ZNRF2: variants seen among roughly 807,000 people sequenced by gnomAD.
The protein encoded by ZNRF2 is zinc and ring finger 2, also known as E3 ubiquitin-protein ligase ZNRF2.
Under a neutral mutation model 20.4 loss-of-function variants are expected in ZNRF2, and 16 were observed. The ratio of observed to expected loss-of-function variants is 0.79; its 90% CI spans 0.53 to 1.19. The LOEUF (loss-of-function observed/expected upper bound fraction) is 1.19, where lower values mean the gene tolerates loss of function less well. ZNRF2 is among the 50% of genes most tolerant of loss of function. ZNRF2 has a pLI of 0.00. For synonymous variants in ZNRF2, 178 were observed against 144.9 expected (o/e 1.23, Z -1.64); for missense variants, 363 against 332.4 (o/e 1.09, Z -0.72).
intron 2 of ZNRF2, among the ~76,000 whole-genome samples, chr7:30,331,967 A>T (rs1180106146): frequency 6.6e-6 from 1 of 152,168 alleles, no homozygotes; most frequent in Non-Finnish European, 1.5e-5. Context: ...CAGTTACCAA[A>T]ATTGTAAGCC....
intron 1 of ZNRF2, among the ~76,000 whole-genome samples, chr7:30,323,257 T>C (rs1562612742): frequency 6.6e-6 from 1 of 152,202 alleles, no homozygotes; most frequent in Non-Finnish European, 1.5e-5. Context: ...CAGTGTACTA[T>C]ACCAAGTTGG....
chr7:30,351,910 T>C (rs541633531), intron 2 of ZNRF2, among the ~76,000 whole-genome samples: 1 of 152,114 alleles, frequency 6.6e-6, no homozygotes, highest in South Asian at 2.1e-4. Context: ...GCAGTTATAA[T>C]AGGCGCCTAA....
At chr7:30,354,565 A>T (rs1316689391) in intron 2 of ZNRF2, among the ~76,000 whole-genome samples, 2 of 152,160 alleles carry the variant, frequency 1.3e-5, no homozygotes, top group African/African-American at 2.4e-5. Flanking sequence ...ACACAATCAA[A>T]TTTGTTGGTT....
chr7:30,295,842 C>T (rs1032223784), intron 1 of ZNRF2, among the ~76,000 whole-genome samples: 1 of 152,204 alleles, frequency 6.6e-6, no homozygotes, highest in East Asian at 1.9e-4. Flanking sequence ...AAGATTTATG[C>T]CGCACTTCCA....
intron 1 of ZNRF2, among the ~76,000 whole-genome samples, chr7:30,318,798 T>C (rs369815608): frequency 6.6e-6 from 1 of 152,216 alleles, no homozygotes; most frequent in South Asian, 2.1e-4. Context: ...AATAGGAATC[T>C]GGATTTTATT....
intron 1 of ZNRF2, among the ~76,000 whole-genome samples, chr7:30,296,711 C>T (rs1334491271): frequency 3.3e-5 from 5 of 152,150 alleles, no homozygotes; most frequent in Admixed American, 6.5e-5. Flanking sequence ...CCTTACCGTA[C>T]GCAGAGTTCT....
At chr7:30,303,826 T>C (rs1799156371) in intron 1 of ZNRF2, among the ~76,000 whole-genome samples, 1 of 152,206 alleles carries the variant, frequency 6.6e-6, no homozygotes, top group Admixed American at 6.5e-5. Context: ...ATCTGTGTTC[T>C]AATAAACCTT....
chr7:30,284,801 TCG>T lies in ZNRF2; in HGVS notation c.-551_-550del. 1 of 189,568 alleles carries T rather than the reference TCG, an allele frequency of 5.3e-6. No individual in the cohort carries two copies. The highest frequency in any genetic ancestry group is 5.7e-5 in the South Asian group (1 of 17,598). 11.7% of individuals were successfully genotyped at this position (189,568 alleles called of 1,614,324 possible). A position where few individuals can be genotyped will look rare whatever the true frequency, so the allele number is the denominator to read the frequency against. On this transcript the variant is annotated 5_prime_UTR_variant, in exon 1 of 5. Coordinates refer to ENST00000323037, the MANE Select transcript of ZNRF2 (RefSeq NM_147128.4). ...CTCCCTCCCATTTTTCGTTCTCCCCTCGCGCGCCACCCGTTTTTCCTCTTTCT... is the reference window on the plus strand; with the variant it reads ...CTCCCTCCCATTTTTCGTTCTCCCCTCGCGCCACCCGTTTTTCCTCTTTCT...
At chr7:30,328,821 G>T (rs999069980) in intron 2 of ZNRF2, among the ~76,000 whole-genome samples, 3 of 152,164 alleles carry the variant, frequency 2.0e-5, no homozygotes, top group Non-Finnish European at 4.4e-5. Flanking sequence ...GACGCCCAAG[G>T]CTGTCAGGGC....
rs867094471 is a variant in ZNRF2, at chr7:30,294,641, G to A, written c.469+8815G>A. On this transcript the variant is annotated intron_variant, in intron 1 of 4. Coordinates refer to ENST00000323037, the MANE Select transcript of ZNRF2 (RefSeq NM_147128.4). ...CTACTAAAAATACAAAAATCAGCCG[G>A]GCATGGTGGCAGGTGCCCGTAATCC... Among the ~76,000 whole-genome samples the A allele has an allele frequency of 4.6e-5, 7 of 152,016 alleles. No homozygotes were observed. In the South Asian group the frequency reaches 1.0e-3, roughly 23 times the overall value.
At chr7:30,299,307 G>A (rs995622482) in intron 1 of ZNRF2, among the ~76,000 whole-genome samples, 3 of 151,740 alleles carry the variant, frequency 2.0e-5, no homozygotes, top group Non-Finnish European at 2.9e-5. Context: ...TAATCCCAGC[G>A]ACTCGGGAGG....
chr7:30,294,975 G>T lies in ZNRF2; in HGVS notation c.469+9149G>T, dbSNP rs572112434. Among the ~76,000 whole-genome samples the T allele has an allele frequency of 1.1e-4, 16 of 150,750 alleles. No homozygotes were observed. In the South Asian group the frequency reaches 3.2e-3, roughly 30 times the overall value. ...CCAATGCCCCTGGAGCTGAAATTTA[G>T]AGAGAGAGGGAGGGGGACAGAGAGA... On this transcript the variant is annotated intron_variant, in intron 1 of 4. Transcript: ENST00000323037.
At chr7:30,316,932 T>C (rs1021050839) in intron 1 of ZNRF2, among the ~76,000 whole-genome samples, 10 of 152,234 alleles carry the variant, frequency 6.6e-5, no homozygotes, top group African/African-American at 2.4e-4. Context: ...ACTCCAGGCC[T>C]TTTGCTGCGC....
At chr7:30,346,128 A>T (rs1430227684) in intron 2 of ZNRF2, among the ~76,000 whole-genome samples, 2 of 131,850 alleles carry the variant, frequency 1.5e-5, no homozygotes, top group East Asian at 4.9e-4. Flanking sequence ...GGGTGTATAT[A>T]GGATTTTTAA....
chr7:30,319,925 A>G (rs1320280796), intron 1 of ZNRF2, among the ~76,000 whole-genome samples: 1 of 152,106 alleles, frequency 6.6e-6, no homozygotes, highest in Non-Finnish European at 1.5e-5. Context: ...TCATTTTCAC[A>G]CTGTTTACAT....
intron 1 of ZNRF2, among the ~76,000 whole-genome samples, chr7:30,301,632 G>C (rs773616484): frequency 1.3e-4 from 19 of 145,402 alleles, no homozygotes; most frequent in Non-Finnish European, 2.7e-4. Flanking sequence ...ACTAGCTTTA[G>C]AACCTTCATC....
intron 1 of ZNRF2, among the ~76,000 whole-genome samples, chr7:30,307,316 GT>G (rs372358892): frequency 7.6e-4 from 52 of 68,090 alleles, no homozygotes; most frequent in African/African-American, 2.5e-3. Flanking sequence ...TCTTTCTGCT[GT>G]TTTTTTTTGT....
intron 1 of ZNRF2, among the ~76,000 whole-genome samples, chr7:30,306,312 C>T (rs1357204420): frequency 6.6e-6 from 1 of 151,752 alleles, no homozygotes; most frequent in East Asian, 1.9e-4. Context: ...AAAATTCAGT[C>T]TTTTATGGCT....
chr7:30,306,772 C>G (rs771186996), intron 1 of ZNRF2, among the ~76,000 whole-genome samples: 2 of 152,068 alleles, frequency 1.3e-5, no homozygotes, highest in Non-Finnish European at 2.9e-5. Context: ...CTTTGCCTTC[C>G]CAAGTCCACT....
Sources: gnomAD v4.1 joint callset for allele counts (sites outside exome capture counted in the v4.1 genomes callset) on GRCh38, gnomAD v4.1.1 for gene constraint, MANE v1.5 for transcripts, NCBI Gene and HGNC (gene_info 2026-07-23, HGNC 2026-07-21) for gene names.